The following KCNH1 variants were observed in gnomAD, a reference collection of about 807,000 sequenced individuals.
KCNH1 encodes potassium voltage-gated channel subfamily H member 1.
A neutral mutation model predicts 69.2 loss-of-function variants in KCNH1; 27 were observed. The observed-to-expected ratio is 0.39, with a 90% confidence interval of 0.29 to 0.54. The LOEUF is 0.54. KCNH1 is among the 20% of genes least tolerant of loss of function. The probability of loss-of-function intolerance (pLI) is 0.68; values close to 1 mark genes in which losing one functional copy is unlikely to be tolerated. For missense variants in KCNH1, 798 were observed against 1,261.6 expected (o/e 0.63, Z 5.57); for synonymous variants, 456 against 487.7 (o/e 0.93, Z 0.86).
chr1:211,077,881 A>G (rs1206070056), intron 5 of KCNH1, among the ~76,000 whole-genome samples: 2 of 152,150 alleles, frequency 1.3e-5, no homozygotes, highest in African/African-American at 4.8e-5. Flanking sequence ...ATGCAGAGAC[A>G]CATATAGGCT....
At chr1:210,769,760 T>C (rs1042307406) in intron 10 of KCNH1, among the ~76,000 whole-genome samples, 4 of 152,178 alleles carry the variant, frequency 2.6e-5, no homozygotes, top group South Asian at 2.1e-4. Context: ...CCCTAGGACC[T>C]GGGGAGTGAA....
At chr1:211,056,823 C>T (rs1690318532) in intron 5 of KCNH1, among the ~76,000 whole-genome samples, 1 of 152,202 alleles carries the variant, frequency 6.6e-6, no homozygotes, top group African/African-American at 2.4e-5. Context: ...CTGCAAGAGC[C>T]ACAGCTTGGG....
At chr1:211,117,246 T>C (rs983461319) in intron 1 of KCNH1, among the ~76,000 whole-genome samples, 2 of 152,182 alleles carry the variant, frequency 1.3e-5, no homozygotes, top group Non-Finnish European at 2.9e-5. Context: ...GGTAATACAG[T>C]CAAAGCCTCA....
intron 6 of KCNH1, among the ~76,000 whole-genome samples, chr1:210,977,609 G>A (rs1688638809): frequency 2.0e-5 from 3 of 151,844 alleles, no homozygotes; most frequent in Non-Finnish European, 4.4e-5. Flanking sequence ...GACATTTTTT[G>A]GCATGAAATT....
intron 5 of KCNH1, among the ~76,000 whole-genome samples, chr1:211,060,324 C>T (rs1443838485): frequency 6.9e-6 from 1 of 145,040 alleles, no homozygotes; most frequent in Admixed American, 7.0e-5. Flanking sequence ...TCTTATGAAC[C>T]CGGGAGGCGG....
At chr1:210,924,117 G>C (rs1003965152) in intron 6 of KCNH1, among the ~76,000 whole-genome samples, 1 of 152,162 alleles carries the variant, frequency 6.6e-6, no homozygotes, top group Non-Finnish European at 1.5e-5. Flanking sequence ...AGCATCACTA[G>C]AGGCTAAGAG....
intron 7 of KCNH1, among the ~76,000 whole-genome samples, chr1:210,845,275 A>C (rs1046542421): frequency 2.6e-5 from 4 of 152,176 alleles, no homozygotes; most frequent in Admixed American, 2.6e-4. Context: ...AACACAACCA[A>C]AAAAGAGAAT....
chr1:210,809,899 G>T (rs892472675), intron 7 of KCNH1, among the ~76,000 whole-genome samples: 1 of 150,320 alleles, frequency 6.7e-6, no homozygotes, highest in Non-Finnish European at 1.5e-5. Context: ...AGTTTCCAAG[G>T]CTTCTCTGAA....
intron 5 of KCNH1, among the ~76,000 whole-genome samples, chr1:211,029,138 A>G (rs927207633): frequency 7.0e-6 from 1 of 143,320 alleles, no homozygotes; most frequent in Non-Finnish European, 1.5e-5. Context: ...AAGACCAGCC[A>G]TGGCAACATA....
intron 7 of KCNH1, chr1:210,859,731 T>G: frequency 8.8e-7 from 1 of 1,131,776 alleles, no homozygotes; most frequent in Non-Finnish European, 1.4e-6. Flanking sequence ...GATTTAAACC[T>G]TGGGGTATCT....
intron 10 of KCNH1, among the ~76,000 whole-genome samples, chr1:210,691,442 C>T (rs1462602640): frequency 3.9e-5 from 6 of 152,088 alleles, no homozygotes; most frequent in African/African-American, 4.8e-5. Flanking sequence ...ATAATGAAAC[C>T]GAGTGTAGAA....
Position 211,069,706 on chromosome 1 carries a change from G to A in KCNH1, c.558+13074C>T, listed in dbSNP as rs376013514. 7.8e-4 allele frequency among the ~76,000 whole-genome samples: 119 copies of A among 151,980 alleles called. 3 individuals are homozygous for A. In the South Asian group the frequency reaches 0.019, roughly 24 times the overall value. ...AAAGCAAAGAGAACAAAAAAAGACC[G>A]GAAAAAAAATTTGTGGCTACAAAAT... is the stretch of plus-strand genomic sequence containing the variant. On this transcript the variant is annotated intron_variant, in intron 5 of 10. Transcript: ENST00000271751.
At chr1:210,686,551 A>T (rs1304334320) in intron 10 of KCNH1, among the ~76,000 whole-genome samples, 1 of 152,164 alleles carries the variant, frequency 6.6e-6, no homozygotes, top group Non-Finnish European at 1.5e-5. Flanking sequence ...AGAATAAGGG[A>T]ATAGGAAGGA....
At chr1:210,961,622 C>T (rs1162370894) in intron 6 of KCNH1, among the ~76,000 whole-genome samples, 2 of 152,062 alleles carry the variant, frequency 1.3e-5, no homozygotes, top group East Asian at 3.9e-4. Context: ...GGGTGGATCA[C>T]CTGAGGTCGG....
chr1:210,744,576 G>A (rs898707567), intron 10 of KCNH1, among the ~76,000 whole-genome samples: 45 of 152,042 alleles, frequency 3.0e-4, no homozygotes, highest in Non-Finnish European at 5.9e-4. Context: ...CCCGGGAGGC[G>A]GAGGTTGCAG....
intron 1 of KCNH1, chr1:211,132,615 A>G (rs976574540): frequency 1.3e-5 from 2 of 152,244 alleles, no homozygotes; most frequent in Non-Finnish European, 2.9e-5. Flanking sequence ...TATTAGTAGC[A>G]TAAGTCACTT....
chr1:210,841,678 C>T (rs1316798441), intron 7 of KCNH1, among the ~76,000 whole-genome samples: 1 of 152,080 alleles, frequency 6.6e-6, no homozygotes, highest in South Asian at 2.1e-4. Flanking sequence ...TATTATTATA[C>T]CCCAAGTCTT....
At chr1:210,759,677 G>A (rs1019296686) in intron 10 of KCNH1, among the ~76,000 whole-genome samples, 2 of 152,234 alleles carry the variant, frequency 1.3e-5, no homozygotes, top group African/African-American at 4.8e-5. Context: ...AAGAAATACG[G>A]GATGACATAA....
Position 211,126,365 on chromosome 1 carries a change from C to G in KCNH1, c.79+7502G>C, listed in dbSNP as rs1315768707. On this transcript the variant is annotated intron_variant, in intron 1 of 10. Coordinates refer to ENST00000271751, the MANE Select transcript of KCNH1 (RefSeq NM_172362.3). ...CTCTACTAAAAATACAAAAAATTAG[C>G]CGGGCATGGTGGCGGGCTCCTGTAG... 2.0e-5 allele frequency among the ~76,000 whole-genome samples: 3 copies of G among 152,098 alleles called. No homozygotes were observed. The East Asian group carries it at 5.8e-4, about 29-fold the overall frequency.
Sources: allele counts gnomAD v4.1 joint callset (sites outside exome capture counted in the v4.1 genomes callset), GRCh38; gene constraint gnomAD v4.1.1; transcripts MANE v1.5; gene names NCBI Gene and HGNC (gene_info 2026-07-23, HGNC 2026-07-21).